Variants in KLF7 observed in about 807,000 individuals in gnomAD.
The protein encoded by KLF7 is Krueppel-like factor 7.
Under a neutral mutation model 27.3 loss-of-function variants are expected in KLF7, and 2 were observed. The ratio of observed to expected loss-of-function variants is 0.07; its 90% CI spans 0.03 to 0.23. KLF7 has a LOEUF of 0.23. Among genes scored for constraint, KLF7 ranks in the 10% least tolerant of loss-of-function variants. The pLI is 1.00. For synonymous variants in KLF7, 165 were observed against 162.4 expected (o/e 1.02, Z -0.12); for missense variants, 221 against 394.1 (o/e 0.56, Z 3.72).
chr2:207,144,166 GA>G (rs1450723058), intron 1 of KLF7, among the ~76,000 whole-genome samples: 2,713 of 50,372 alleles, frequency 0.054, 45 homozygotes, highest in African/African-American at 0.081. Flanking sequence ...CAGCGGGGGG[GA>G]GAAAAAAAAA....
intron 1 of KLF7, among the ~76,000 whole-genome samples, chr2:207,127,776 G>A (rs1182262541): frequency 6.6e-6 from 1 of 152,026 alleles, no homozygotes; most frequent in Non-Finnish European, 1.5e-5. Context: ...CCAGGAGGTG[G>A]AGGTTGCAGT....
intron 1 of KLF7, among the ~76,000 whole-genome samples, chr2:207,161,981 C>A (rs549677118): frequency 6.6e-6 from 1 of 152,152 alleles, no homozygotes; most frequent in Admixed American, 6.5e-5. Context: ...AGCAAACATG[C>A]GATGCTCCTC....
chr2:207,108,964 A>G (rs1159321260), intron 2 of KLF7, among the ~76,000 whole-genome samples: 1 of 152,230 alleles, frequency 6.6e-6, no homozygotes, highest in African/African-American at 2.4e-5. Flanking sequence ...ACCCATCCAT[A>G]GATTCCTTTG....
At chr2:207,158,390 C>G (rs2078449086) in intron 1 of KLF7, among the ~76,000 whole-genome samples, 1 of 152,178 alleles carries the variant, frequency 6.6e-6, no homozygotes, top group African/African-American at 2.4e-5. Context: ...TATTACAACC[C>G]TCTCAAGAAT....
chr2:207,104,321 C>T (rs1388602857), intron 2 of KLF7, among the ~76,000 whole-genome samples: 1 of 152,022 alleles, frequency 6.6e-6, no homozygotes, highest in Non-Finnish European at 1.5e-5. Flanking sequence ...TGTAGATACA[C>T]ATATAGCAGA....
intron 2 of KLF7, among the ~76,000 whole-genome samples, chr2:207,107,554 C>T (rs1017643580): frequency 6.6e-6 from 1 of 152,178 alleles, no homozygotes; most frequent in African/African-American, 2.4e-5. Flanking sequence ...ATAATAAACA[C>T]ATTTATATTT....
At chr2:207,127,932 G>T (rs1228516478) in intron 1 of KLF7, among the ~76,000 whole-genome samples, 1 of 152,122 alleles carries the variant, frequency 6.6e-6, no homozygotes, top group Admixed American at 6.5e-5. Flanking sequence ...CATACATAGA[G>T]AAATAAATGT....
At chr2:207,123,307 C>G (rs1385339194) in intron 2 of KLF7, among the ~76,000 whole-genome samples, 1 of 152,188 alleles carries the variant, frequency 6.6e-6, no homozygotes, top group Admixed American at 6.5e-5. Flanking sequence ...AACCCTCCTG[C>G]TGTTGGTGAC....
chr2:207,123,697 C>A lies in KLF7; in HGVS notation c.733+77G>T, dbSNP rs2077399705. 5 of 1,500,008 alleles carry A rather than the reference C, an allele frequency of 3.3e-6. No homozygotes were observed. In the Admixed American group the frequency reaches 8.0e-5, roughly 24 times the overall value. The allele number at this position is 1,500,008 out of a possible 1,614,324, so 92.9% of individuals were successfully genotyped here. A position where few individuals can be genotyped will look rare whatever the true frequency, so the allele number is the denominator to read the frequency against. On this transcript the variant is annotated intron_variant, in intron 2 of 3. Coordinates refer to ENST00000309446, the MANE Select transcript of KLF7 (RefSeq NM_003709.4). ...TCAGCAGGGGTGCCACTCCTCAGAA[C>A]AAAGAGGAGCCCTCCCACATGACGA...
At chr2:207,086,568 A>T (rs897718612) in intron 3 of KLF7, among the ~76,000 whole-genome samples, 1 of 152,260 alleles carries the variant, frequency 6.6e-6, no homozygotes, top group African/African-American at 2.4e-5. Flanking sequence ...AAAACAAAGC[A>T]AAAGACTAAC....
At chr2:207,117,632 G>A (rs911512638) in intron 2 of KLF7, among the ~76,000 whole-genome samples, 69 of 152,216 alleles carry the variant, frequency 4.5e-4, no homozygotes, top group African/African-American at 1.6e-3. Flanking sequence ...CTTATCTATG[G>A]CACTAGCAGG....
intron 2 of KLF7, among the ~76,000 whole-genome samples, chr2:207,100,884 T>C (rs1026242922): frequency 6.6e-6 from 1 of 152,258 alleles, no homozygotes; most frequent in Admixed American, 6.5e-5. Context: ...AAATATCTAG[T>C]GTATGTCCAG....
At position 207,081,080 on chromosome 2, in the gene KLF7, T is replaced by C. The variant is rs1234425480; in HGVS notation, c.*133A>G. 1.4e-6 allele frequency: 1 copy of C among 738,724 alleles called. No homozygotes were observed. Among genetic ancestry groups the C allele is most frequent in the Non-Finnish European group, 2.5e-6 (1 of 407,408 alleles). The allele number at this position is 738,724 out of a possible 1,614,324, so 45.8% of individuals were successfully genotyped here. A position where few individuals can be genotyped will look rare whatever the true frequency, so the allele number is the denominator to read the frequency against. ...GTGTATATGTGTGTGTGTGTGTGTG[T>C]GTGTACAGAGGTTTATAAGTGAGAA... On this transcript the variant is annotated 3_prime_UTR_variant, in exon 4 of 4. Transcript: ENST00000309446.
intron 3 of KLF7, among the ~76,000 whole-genome samples, chr2:207,087,466 G>C (rs1400093471): frequency 6.6e-6 from 1 of 152,120 alleles, no homozygotes; most frequent in Non-Finnish European, 1.5e-5. Flanking sequence ...CACAGGGACT[G>C]GGGGAGACAG....
Position 207,074,511 on chromosome 2 carries a change from A to G in KLF7, c.*6702T>C, listed in dbSNP as rs1361489525. 6.6e-6 allele frequency: 1 copy of G among 151,516 alleles called. No homozygotes were observed. Among genetic ancestry groups the G allele is most frequent in the Non-Finnish European group, 1.5e-5 (1 of 67,900 alleles). 9.4% of individuals were successfully genotyped at this position (151,516 alleles called of 1,614,324 possible). A position where few individuals can be genotyped will look rare whatever the true frequency, so the allele number is the denominator to read the frequency against. Reference sequence around the variant, plus strand: ...TGGGTCTGAAGCTGCTTGTATTTCCATCTAGTTTTTTGTACTCTCCACAGC... The same window carrying G: ...TGGGTCTGAAGCTGCTTGTATTTCCGTCTAGTTTTTTGTACTCTCCACAGC... On this transcript the variant is annotated 3_prime_UTR_variant, in exon 4 of 4. Transcript: ENST00000309446.
chr2:207,144,167 A>C (rs1263669), intron 1 of KLF7, among the ~76,000 whole-genome samples: 1 of 89,310 alleles, frequency 1.1e-5, no homozygotes, highest in Non-Finnish European at 2.6e-5. Flanking sequence ...AGCGGGGGGG[A>C]GAAAAAAAAA....
At chr2:207,095,031 C>CTTTTTTT (rs36091471) in intron 2 of KLF7, among the ~76,000 whole-genome samples, 26 of 82,426 alleles carry the variant, frequency 3.2e-4, no homozygotes, top group East Asian at 8.0e-4. Flanking sequence ...TGTTTTTATT[C>CTTTTTTT]TTTTTTTTTT....
At chr2:207,081,309 C>G (rs2076266655) in intron 3 of KLF7, 45 bp from the exon 4 acceptor site, 15 of 1,473,630 alleles carry the variant, frequency 1.0e-5, no homozygotes, top group Non-Finnish European at 1.4e-5. Context: ...TCCCAGCAAA[C>G]AGCTTGACTT....
intron 1 of KLF7, chr2:207,148,982 CTG>C: frequency 1.8e-6 from 2 of 1,137,046 alleles, no homozygotes; most frequent in Non-Finnish European, 2.2e-6. Context: ...CAGTCATTAC[CTG>C]TGTCATCTAC....
Sources: gnomAD v4.1 joint callset for allele counts (sites outside exome capture counted in the v4.1 genomes callset) on GRCh38, gnomAD v4.1.1 for gene constraint, MANE v1.5 for transcripts, NCBI Gene and HGNC (gene_info 2026-07-23, HGNC 2026-07-21) for gene names.